Variants in ARHGAP6 observed in about 807,000 individuals in gnomAD.
ARHGAP6 encodes the protein Rho GTPase activating protein 6.
ARHGAP6 carries 16 observed loss-of-function variants against 55.7 expected under a neutral mutation model. That is an observed-to-expected ratio of 0.29 (90% CI 0.19 to 0.44). ARHGAP6 has a LOEUF of 0.44. Among genes scored for constraint, ARHGAP6 ranks in the 20% least tolerant of loss-of-function variants. ARHGAP6 has a pLI of 1.00. For missense variants in ARHGAP6, 698 were observed against 808.9 expected, an observed-to-expected ratio of 0.86 and a Z score of 1.66; for synonymous variants, 382 against 360.9, an observed-to-expected ratio of 1.06 and a Z score of -0.66.
At chrX:11,604,862 C>T (rs1342853441) in intron 1 of ARHGAP6, among the ~76,000 whole-genome samples, 1 of 111,870 alleles carries the variant, frequency 8.9e-6, no homozygotes, top group Non-Finnish European at 1.9e-5. Flanking sequence ...CCTTCATATC[C>T]CTAAATCAGC....
intron 1 of ARHGAP6, among the ~76,000 whole-genome samples, chrX:11,580,468 G>A (rs1424953314): frequency 9.0e-6 from 1 of 111,707 alleles, no homozygotes; most frequent in African/African-American, 3.3e-5. Context: ...GACCAAAGAG[G>A]ATGATGAATA....
chrX:11,452,864 G>A (rs1293988137), intron 1 of ARHGAP6, among the ~76,000 whole-genome samples: 2 of 111,218 alleles, frequency 1.8e-5, no homozygotes, highest in Non-Finnish European at 3.8e-5. Context: ...GCAAAGGGAA[G>A]CCAAACAGAA....
intron 1 of ARHGAP6, among the ~76,000 whole-genome samples, chrX:11,459,390 C>T (rs991629969): frequency 9.0e-6 from 1 of 111,529 alleles, no homozygotes; most frequent in Non-Finnish European, 1.9e-5. Flanking sequence ...CCAAACAACA[C>T]ATTCTGACTC....
intron 1 of ARHGAP6, among the ~76,000 whole-genome samples, chrX:11,283,224 A>G (rs190421250): frequency 8.9e-6 from 1 of 111,937 alleles, no homozygotes; most frequent in Non-Finnish European, 1.9e-5. Context: ...AATGTTTTCT[A>G]AGTATCTATT....
intron 1 of ARHGAP6, among the ~76,000 whole-genome samples, chrX:11,491,713 C>A (rs1439518498): frequency 3.6e-5 from 4 of 111,288 alleles, no homozygotes; most frequent in Non-Finnish European, 7.5e-5. Flanking sequence ...ATTTATAGTC[C>A]TTTGGGTGTA....
intron 1 of ARHGAP6, among the ~76,000 whole-genome samples, chrX:11,376,247 A>C (rs2147716014): frequency 8.9e-6 from 1 of 112,557 alleles, no homozygotes; most frequent in Admixed American, 9.3e-5. Flanking sequence ...ATTTTGACTG[A>C]CATGGTAATA....
chrX:11,630,010 AGTGTGT>A (rs201976499), intron 1 of ARHGAP6, among the ~76,000 whole-genome samples: 1 of 107,463 alleles, frequency 9.3e-6, no homozygotes, highest in Non-Finnish European at 1.9e-5. Flanking sequence ...TCCCCCAACT[AGTGTGT>A]GTGTGTGTGT....
At chrX:11,553,329 C>A (rs995817066) in intron 1 of ARHGAP6, among the ~76,000 whole-genome samples, 4 of 109,952 alleles carry the variant, frequency 3.6e-5, no homozygotes, top group African/African-American at 1.3e-4. Context: ...GTAGCCTCAA[C>A]CTCCTGGGCT....
intron 3 of ARHGAP6, among the ~76,000 whole-genome samples, chrX:11,194,752 CT>C (rs917201823): frequency 2.7e-5 from 3 of 111,711 alleles, no homozygotes; most frequent in African/African-American, 9.8e-5. Context: ...GTTTTCCATT[CT>C]TTAGAATTCT....
At chrX:11,375,018 T>C (rs145714851) in intron 1 of ARHGAP6, among the ~76,000 whole-genome samples, 69 of 112,476 alleles carry the variant, frequency 6.1e-4, no homozygotes, top group African/African-American at 2.2e-3. Context: ...TTGTATTTTA[T>C]TCACTGATGT....
intron 1 of ARHGAP6, among the ~76,000 whole-genome samples, chrX:11,267,281 T>A (rs183483404): frequency 2.6e-4 from 29 of 112,486 alleles, no homozygotes; most frequent in African/African-American, 8.7e-4. Flanking sequence ...CAGCAACATG[T>A]AGTTCTGACT....
chrX:11,595,294 GAA>G (rs200780665), intron 1 of ARHGAP6, among the ~76,000 whole-genome samples: 3 of 63,599 alleles, frequency 4.7e-5, no homozygotes, highest in Admixed American at 3.5e-4. Flanking sequence ...TGTCTCAAGA[GAA>G]AAAAAAAAAA....
chrX:11,150,492 G>A (rs1029025118), intron 10 of ARHGAP6, among the ~76,000 whole-genome samples: 6 of 111,350 alleles, frequency 5.4e-5, no homozygotes, highest in African/African-American at 2.0e-4. Flanking sequence ...AGATACATTC[G>A]AACCTATAAT....
At chrX:11,221,942 T>C (rs925392976) in intron 2 of ARHGAP6, among the ~76,000 whole-genome samples, 2 of 111,428 alleles carry the variant, frequency 1.8e-5, no homozygotes, top group African/African-American at 6.5e-5. Context: ...CCTGTCCATA[T>C]GTACTCAGAA....
intron 1 of ARHGAP6, among the ~76,000 whole-genome samples, chrX:11,480,984 T>A (rs191510673): frequency 8.1e-4 from 91 of 112,156 alleles, no homozygotes; most frequent in African/African-American, 2.9e-3. Context: ...AACTCACAAA[T>A]CAGCTGATCT....
chrX:11,524,858 C>T (rs936044635), intron 1 of ARHGAP6, among the ~76,000 whole-genome samples: 1 of 111,228 alleles, frequency 9.0e-6, no homozygotes, highest in Non-Finnish European at 1.9e-5. Flanking sequence ...GTAGATGGTC[C>T]CATCTGGGGA....
chrX:11,180,845 C>T (rs1289486886), intron 6 of ARHGAP6, among the ~76,000 whole-genome samples: 1 of 112,298 alleles, frequency 8.9e-6, no homozygotes. Context: ...TCCACTGGCA[C>T]TCCTCCAACT....
chrX:11,583,570 A>G (rs2147121277), intron 1 of ARHGAP6, among the ~76,000 whole-genome samples: 1 of 112,479 alleles, frequency 8.9e-6, no homozygotes, highest in South Asian at 3.6e-4. Flanking sequence ...TATAATTTCA[A>G]ACAACTTCAT....
chrX:11,410,708 C>T (rs1313819936), intron 1 of ARHGAP6, among the ~76,000 whole-genome samples: 1 of 111,568 alleles, frequency 9.0e-6, no homozygotes, highest in Non-Finnish European at 1.9e-5. Context: ...AATGTCCCTA[C>T]ATAACTTTGT....
Sources: allele counts gnomAD v4.1 joint callset (sites outside exome capture counted in the v4.1 genomes callset), GRCh38; gene constraint gnomAD v4.1.1; transcripts MANE v1.5; gene names NCBI Gene and HGNC (gene_info 2026-07-23, HGNC 2026-07-21).